Variants in ADGRV1 observed in about 807,000 individuals in gnomAD.
ADGRV1 encodes the protein adhesion G protein-coupled receptor V1, also known as G-protein coupled receptor 98.
A neutral mutation model predicts 596.2 loss-of-function variants in ADGRV1; 359 were observed. That is an observed-to-expected ratio of 0.60 (90% CI 0.55 to 0.66). ADGRV1 has a LOEUF of 0.66. ADGRV1 is among the 30% of genes least tolerant of loss of function. The pLI is 0.00. For synonymous variants in ADGRV1, 2,681 were observed against 2,679.2 expected, an observed-to-expected ratio of 1.00 and a Z score of -0.02; for missense variants, 7,274 against 7,575.6, an observed-to-expected ratio of 0.96 and a Z score of 1.48.
intron 52 of ADGRV1, among the ~76,000 whole-genome samples, chr5:90,748,823 G>GTT (rs1383181586): frequency 2.8e-5 from 4 of 143,160 alleles, no homozygotes; most frequent in Admixed American, 6.9e-5. Flanking sequence ...GTTTTTTTTT[G>GTT]TTTTTTTTTT....
At chr5:90,836,421 A>G (rs1266095450) in intron 77 of ADGRV1, among the ~76,000 whole-genome samples, 1 of 152,166 alleles carries the variant, frequency 6.6e-6, no homozygotes, top group African/African-American at 2.4e-5. Context: ...ATTGATACAC[A>G]TAACAACCTA....
chr5:90,853,342 C>T lies in ADGRV1; in HGVS notation c.17263C>T (p.Pro5755Ser). The change falls in exon 80 of 90, where the codon CCT becomes TCT. Residue 5755 changes from proline to serine, a missense_variant. Transcript: ENST00000405460. ...YLSILALHWY[P>S]QQINGHKFEG... ...GTCAATATTGGCTCTTCACTGGTAT[C>T]CTCAGCAAATCAATGGACACAAGTT... 1 of 1,613,358 alleles carries T rather than the reference C, an allele frequency of 6.2e-7. No individual in the cohort carries two copies. Among genetic ancestry groups the T allele is most frequent in the Non-Finnish European group, 8.5e-7 (1 of 1,179,488 alleles).
At chr5:90,662,815 T>C (rs534039430) in intron 21 of ADGRV1, among the ~76,000 whole-genome samples, 1 of 152,100 alleles carries the variant, frequency 6.6e-6, no homozygotes, top group African/African-American at 2.4e-5. Flanking sequence ...CCTGTGTCCA[T>C]ATGATCTCAT....
intron 77 of ADGRV1, among the ~76,000 whole-genome samples, chr5:90,838,773 G>T (rs1332628221): frequency 2.6e-5 from 4 of 152,036 alleles, no homozygotes; most frequent in African/African-American, 9.7e-5. Flanking sequence ...GCGTAGTGGT[G>T]CAAGCCTGTA....
chr5:90,734,964 T>A (rs1753031662), intron 50 of ADGRV1, among the ~76,000 whole-genome samples: 1 of 152,234 alleles, frequency 6.6e-6, no homozygotes, highest in Admixed American at 6.5e-5. Flanking sequence ...TTTAAAATGT[T>A]TTTTCCCATT....
At chr5:91,031,637 T>C (rs1232810862) in intron 85 of ADGRV1, among the ~76,000 whole-genome samples, 1 of 152,238 alleles carries the variant, frequency 6.6e-6, no homozygotes, top group Admixed American at 6.5e-5. Context: ...TATTCAAATA[T>C]GTTAGCATAA....
At position 90,684,143 on chromosome 5, in the gene ADGRV1, C is replaced by T. The variant is rs1457848904; in HGVS notation, c.6222C>T (p.Val2074=). ...DDDEPERSES[V]FIELLNSTLV... is the part of the protein sequence containing the mutation. ...ATGAGCCAGAAAGGTCCGAATCTGT[C>T]TTTATCGAACTACTCAACTCTACTT... is the stretch of plus-strand genomic sequence containing the variant. Residue 2074 remains valine (V), a synonymous_variant, in exon 28 of 90, where the codon GTC becomes GTT. Coordinates refer to ENST00000405460, the MANE Select transcript of ADGRV1 (RefSeq NM_032119.4). 1 of 1,613,804 alleles carries T rather than the reference C, an allele frequency of 6.2e-7. No homozygotes were observed. The highest frequency in any genetic ancestry group is 2.2e-5 in the East Asian group (1 of 44,850).
Position 90,993,426 on chromosome 5 carries a change from G to T in ADGRV1, c.18152+7904G>T, listed in dbSNP as rs180912817. Among the ~76,000 whole-genome samples, 4 of 152,092 alleles carry T rather than the reference G, an allele frequency of 2.6e-5. No homozygotes were observed. In the East Asian group the frequency reaches 7.7e-4, roughly 29 times the overall value. ...CCCACCTCAGCCTCCCAAAGTGCTG[G>T]CATTACAGGCGTGAGCCACCATGCT... On this transcript the variant is annotated intron_variant, in intron 85 of 89. Transcript: ENST00000405460.
At position 90,622,614 on chromosome 5, in the gene ADGRV1, G is replaced by A. The variant is rs749359697; in HGVS notation, c.471G>A (p.Val157=). 1 of 1,471,296 alleles carries A rather than the reference G, an allele frequency of 6.8e-7. No homozygotes were observed. 91.1% of individuals were successfully genotyped at this position (1,471,296 alleles called of 1,614,324 possible). A position where few individuals can be genotyped will look rare whatever the true frequency, so the allele number is the denominator to read the frequency against. ...ISFNMLPSIA[V]SEPKGRNESM... is the part of the protein sequence containing the mutation. ...CTCAATAGCTTCCCTCAATCGCAGT[G>A]AGTGAGCCCAAGGGCAGAAATGAGT... The change falls in exon 5 of 90, where the codon GTG becomes GTA. Residue 157 remains valine, a synonymous_variant. Coordinates refer to ENST00000405460, the MANE Select transcript of ADGRV1 (RefSeq NM_032119.4).
At position 90,720,029 on chromosome 5, in the gene ADGRV1, C is replaced by A; in HGVS notation, c.9448-19C>A. ...AAATACTGTATTCTAGTAACCTTAT[C>A]TTTTGATTTTGTTTTCAGGCCCTAC... On this transcript the variant is annotated intron_variant, in intron 43 of 89. Transcript: ENST00000405460. The A allele has an allele frequency of 6.2e-7, 1 of 1,602,796 alleles. No homozygotes were observed.
At position 90,973,411 on chromosome 5, in the gene ADGRV1, T is replaced by G. The variant is rs192122328; in HGVS notation, c.17973+7880T>G. ...AGAGACACAGCAAAAAAAGACAATTTTAGACCAATATCCCTGATGAACATT... is the reference window on the plus strand; with the variant it reads ...AGAGACACAGCAAAAAAAGACAATTGTAGACCAATATCCCTGATGAACATT... On this transcript the variant is annotated intron_variant, in intron 84 of 89. Transcript: ENST00000405460. 8.7e-4 allele frequency among the ~76,000 whole-genome samples: 132 copies of G among 152,226 alleles called. 1 individual carries two copies. The highest frequency in any genetic ancestry group is 2.0e-3 in the Admixed American group (31 of 15,290).
chr5:90,669,805 A>T (rs1037322924), intron 21 of ADGRV1, among the ~76,000 whole-genome samples: 3 of 152,222 alleles, frequency 2.0e-5, no homozygotes, highest in Non-Finnish European at 4.4e-5. Context: ...CTTGTGGATG[A>T]AATAGCACTT....
At chr5:91,108,138 T>A (rs1300850952) in intron 87 of ADGRV1, among the ~76,000 whole-genome samples, 2 of 152,156 alleles carry the variant, frequency 1.3e-5, no homozygotes, top group African/African-American at 4.8e-5. Flanking sequence ...CTAAAAGTAA[T>A]GCCTATTAAG....
intron 83 of ADGRV1, among the ~76,000 whole-genome samples, chr5:90,910,438 A>G (rs1772759480): frequency 6.6e-6 from 1 of 152,200 alleles, no homozygotes; most frequent in African/African-American, 2.4e-5. Flanking sequence ...ATATAGTATT[A>G]TGATTAGCCA....
chr5:91,067,634 C>T (rs954270851), intron 85 of ADGRV1, among the ~76,000 whole-genome samples: 4 of 152,160 alleles, frequency 2.6e-5, no homozygotes, highest in Non-Finnish European at 5.9e-5. Flanking sequence ...TGTACAAAAT[C>T]TTTATATTCC....
rs762515714 is a variant in ADGRV1, at chr5:90,778,884, G to A, written c.12869G>A (p.Arg4290His). 1.9e-5 allele frequency: 31 copies of A among 1,612,268 alleles called. No individual in the cohort carries two copies. The highest frequency in any genetic ancestry group is 1.6e-4 in the Middle Eastern group (1 of 6,068). The change falls in exon 64 of 90, where the codon CGT (arginine) becomes CAT (histidine). Residue 4290 changes from arginine to histidine, a missense_variant. This residue lies in a region of ADGRV1 where 3,643 missense variants were observed against 3,809.2 expected (regional missense o/e 0.96). Coordinates refer to ENST00000405460, the MANE Select transcript of ADGRV1 (RefSeq NM_032119.4). ...EAQRVNITII[R>H]SSGDFGHVRL... ...GCATAGGTTAACATCACAATCATCC[G>A]TTCCAGTGGAGATTTTGGCCATGTG...
At chr5:90,897,226 T>C (rs1428096775) in intron 83 of ADGRV1, among the ~76,000 whole-genome samples, 2 of 152,196 alleles carry the variant, frequency 1.3e-5, no homozygotes, top group Non-Finnish European at 2.9e-5. Flanking sequence ...TATGTAAAGT[T>C]TTAGTTTTAT....
chr5:91,046,961 A>G (rs1486788147), intron 85 of ADGRV1, among the ~76,000 whole-genome samples: 6 of 152,180 alleles, frequency 3.9e-5, no homozygotes, highest in African/African-American at 1.2e-4. Flanking sequence ...CAAAACCACA[A>G]TGCAATACCA....
At chr5:90,630,992 A>G (rs1185565337) in intron 9 of ADGRV1, among the ~76,000 whole-genome samples, 3 of 152,174 alleles carry the variant, frequency 2.0e-5, no homozygotes, top group Non-Finnish European at 4.4e-5. Context: ...TTGTTGTAGT[A>G]TATCTACCCT....
Sources: allele counts gnomAD v4.1 joint callset (sites outside exome capture counted in the v4.1 genomes callset), GRCh38; gene constraint gnomAD v4.1.1; regional missense constraint gnomAD v4.1.1; transcripts MANE v1.5; gene names NCBI Gene and HGNC (gene_info 2026-07-23, HGNC 2026-07-21).